Variants in BCL11B observed in about 807,000 individuals in gnomAD.
BCL11B encodes the protein BCL11 transcription factor B.
BCL11B carries 8 observed loss-of-function variants against 49.9 expected under a neutral mutation model. The ratio of observed to expected loss-of-function variants is 0.16; its 90% CI spans 0.09 to 0.29. The LOEUF is 0.29. Ranked by LOEUF, BCL11B falls within the 10% of genes least tolerant of loss-of-function variation. BCL11B has a pLI of 1.00. For missense variants in BCL11B, 1,006 were observed against 1,351.0 expected, an observed-to-expected ratio of 0.74 and a Z score of 4.00; for synonymous variants, 739 against 637.4, an observed-to-expected ratio of 1.16 and a Z score of -2.40.
chr14:99,179,473 T>TA (rs35703913), intron 3 of BCL11B, among the ~76,000 whole-genome samples: 9,757 of 54,560 alleles, frequency 0.18, 1,478 homozygotes, highest in Non-Finnish European at 0.23. Context: ...GAATCCATCT[T>TA]AAAAAAAAAA....
Position 99,196,706 on chromosome 14 carries a change from G to T in BCL11B, c.641-20511C>A, listed in dbSNP as rs1028701210. Among the ~76,000 whole-genome samples, 4 of 152,340 alleles carry T rather than the reference G, an allele frequency of 2.6e-5. No homozygotes were observed. In the East Asian group the frequency reaches 7.7e-4, roughly 29 times the overall value. ...ATAGATGTTTGTCCACCATCAGAGAGGATACCTGTGTCCACAAGAGAGGGG... is the reference window on the plus strand; with the variant it reads ...ATAGATGTTTGTCCACCATCAGAGATGATACCTGTGTCCACAAGAGAGGGG... On this transcript the variant is annotated intron_variant, in intron 3 of 3. Coordinates refer to ENST00000357195, the MANE Select transcript of BCL11B (RefSeq NM_138576.4).
intron 3 of BCL11B, among the ~76,000 whole-genome samples, chr14:99,224,547 G>A (rs932636253): frequency 6.6e-6 from 1 of 152,140 alleles, no homozygotes; most frequent in Non-Finnish European, 1.5e-5. Context: ...CTGGGGTGCC[G>A]ATTACCCAAG....
At chr14:99,216,682 T>G (rs887824641) in intron 3 of BCL11B, among the ~76,000 whole-genome samples, 2 of 152,172 alleles carry the variant, frequency 1.3e-5, no homozygotes, top group Admixed American at 6.5e-5. Flanking sequence ...ATCAGAAAGT[T>G]CAGGGAAGAA....
chr14:99,180,904 A>G (rs1300803500), intron 3 of BCL11B, among the ~76,000 whole-genome samples: 1 of 152,158 alleles, frequency 6.6e-6, no homozygotes, highest in Admixed American at 6.5e-5. Context: ...TTGGGAACCG[A>G]CGTGCAGCTG....
Position 99,231,164 on chromosome 14 carries a change from A to T in BCL11B, c.640+181T>A, listed in dbSNP as rs148658707. ...GGGCACCGTGGGGGACTCCTGACCGAGGGGCACCGGGCCCTGGCTCATAGT... is the reference window on the plus strand; with the variant it reads ...GGGCACCGTGGGGGACTCCTGACCGTGGGGCACCGGGCCCTGGCTCATAGT... On this transcript the variant is annotated intron_variant, in intron 3 of 3. Coordinates refer to ENST00000357195, the MANE Select transcript of BCL11B (RefSeq NM_138576.4). The surrounding 1 kb of genome is among the most constrained non-coding windows in gnomAD (Gnocchi z 8.1). Among the ~76,000 whole-genome samples the T allele has an allele frequency of 4.1e-3, 619 of 152,154 alleles. 5 individuals are homozygous for T. The highest frequency in any genetic ancestry group is 0.014 in the African/African-American group (588 of 41,504).
rs549351593 is a variant in BCL11B, at chr14:99,196,189, C to T, written c.641-19994G>A. ...AGGCAAACACCATCTCCCAATGCTGCCCCCCAGCCCACGTCTCCCCAGCCA... is the reference window on the plus strand; with the variant it reads ...AGGCAAACACCATCTCCCAATGCTGTCCCCCAGCCCACGTCTCCCCAGCCA... On this transcript the variant is annotated intron_variant, in intron 3 of 3. Transcript: ENST00000357195. Among the ~76,000 whole-genome samples the T allele has an allele frequency of 2.0e-4, 31 of 152,222 alleles. No homozygotes were observed. In the East Asian group the frequency reaches 5.8e-3, roughly 28 times the overall value.
At chr14:99,220,902 G>A (rs1012429004) in intron 3 of BCL11B, among the ~76,000 whole-genome samples, 10 of 152,234 alleles carry the variant, frequency 6.6e-5, no homozygotes, top group African/African-American at 1.9e-4. Flanking sequence ...CCAGGCTGGA[G>A]TGCAATGCTG....
intron 2 of BCL11B, among the ~76,000 whole-genome samples, chr14:99,235,574 C>G (rs986472964): frequency 6.6e-6 from 1 of 152,206 alleles, no homozygotes; most frequent in Non-Finnish European, 1.5e-5. Context: ...TACGTCAACT[C>G]TCTTGACAAA....
At chr14:99,269,127 G>A (rs994601677) in intron 1 of BCL11B, among the ~76,000 whole-genome samples, 2 of 152,050 alleles carry the variant, frequency 1.3e-5, no homozygotes, top group African/African-American at 4.8e-5. Flanking sequence ...CAGCTTGGCA[G>A]TGCACCCCCA....
In BCL11B at chr14:99,235,359, G is replaced by A. The variant is rs921437811; in HGVS notation, c.428-3802C>T. ...ATAGATCAAGGAAGGAGACAGCCAG[G>A]GAGGCAGCGCGTGTGAGTGAGGGAC... On this transcript the variant is annotated intron_variant, in intron 2 of 3. Coordinates refer to ENST00000357195, the MANE Select transcript of BCL11B (RefSeq NM_138576.4). Among the ~76,000 whole-genome samples, 3 of 152,108 alleles carry A rather than the reference G, an allele frequency of 2.0e-5. No individual in the cohort carries two copies. In the South Asian group the frequency reaches 6.2e-4, roughly 32 times the overall value.
At chr14:99,179,029 T>C (rs1886620137) in intron 3 of BCL11B, among the ~76,000 whole-genome samples, 1 of 152,126 alleles carries the variant, frequency 6.6e-6, no homozygotes, top group African/African-American at 2.4e-5. Context: ...CAGAGGAAAA[T>C]GCAGAGCGCT....
chr14:99,174,658 G>C lies in BCL11B; in HGVS notation c.2178C>G (p.Phe726Leu). ...AASRHFMKDPFLGFTDARQSP... is the reference protein window; with the variant it reads ...AASRHFMKDPLLGFTDARQSP... Reference sequence around the variant, plus strand: ...ACTGTCGTGCGTCCGTGAAGCCCAGGAAGGGGTCCTTCATGAAGTGCCGCG... The same window carrying C: ...ACTGTCGTGCGTCCGTGAAGCCCAGCAAGGGGTCCTTCATGAAGTGCCGCG... Residue 726 changes from phenylalanine to leucine, a missense_variant, in exon 4 of 4, where the codon TTC (phenylalanine) becomes TTG (leucine). By Grantham distance (22) the Phe-to-Leu change is conservative. This residue lies in a region of BCL11B where 443 missense variants were observed against 499.7 expected (regional missense o/e 0.89). Transcript: ENST00000357195. 1 of 1,580,610 alleles carries C rather than the reference G, an allele frequency of 6.3e-7. No individual in the cohort carries two copies. Among genetic ancestry groups the C allele is most frequent in the Non-Finnish European group, 8.6e-7 (1 of 1,166,530 alleles).
In BCL11B at chr14:99,264,950, G is replaced by A. The variant is rs571339235; in HGVS notation, c.58+6211C>T. ...ATGGAGCAAGAGGGGGACCGAGCCT[G>A]AGCACATCTCCCTGACATTTGGCTC... On this transcript the variant is annotated intron_variant, in intron 1 of 3. Transcript: ENST00000357195. 4.6e-5 allele frequency among the ~76,000 whole-genome samples: 7 copies of A among 152,284 alleles called. No homozygotes were observed. In the South Asian group the frequency reaches 1.5e-3, roughly 32 times the overall value.
intron 3 of BCL11B, among the ~76,000 whole-genome samples, chr14:99,200,594 C>A (rs114419519): frequency 0.013 from 1,991 of 152,340 alleles, 46 homozygotes; most frequent in African/African-American, 0.045. Context: ...GCCCATGAGG[C>A]AGCGAGGCGG....
Position 99,178,399 on chromosome 14 carries a change from C to G in BCL11B, c.641-2204G>C, listed in dbSNP as rs551678607. 3.9e-4 allele frequency among the ~76,000 whole-genome samples: 59 copies of G among 152,298 alleles called. 2 individuals are homozygous for G. The South Asian group carries it at 6.4e-3, about 17-fold the overall frequency. On this transcript the variant is annotated intron_variant, in intron 3 of 3. Transcript: ENST00000357195. Reference sequence around the variant, plus strand: ...TAACTCAGTTCTCCCATGAAAGAGCCCCTGAGGGGAAACCTCCCCACCTAA... The same window carrying G: ...TAACTCAGTTCTCCCATGAAAGAGCGCCTGAGGGGAAACCTCCCCACCTAA...
intron 3 of BCL11B, among the ~76,000 whole-genome samples, chr14:99,226,978 A>G (rs765233558): frequency 5.3e-5 from 8 of 152,208 alleles, no homozygotes; most frequent in Admixed American, 6.5e-5. Context: ...GACTCCCTCT[A>G]TTAAAGCCAA....
rs1231492534 is a variant in BCL11B at position 99,175,603 on chromosome 14, GGGCGGCAGC to G, written c.1224_1232del (p.Leu409_Pro411del). The G allele has an allele frequency of 6.4e-7, 1 of 1,568,302 alleles. No homozygotes were observed. The highest frequency in any genetic ancestry group is 1.4e-5 in the African/African-American group (1 of 72,456). On this transcript the variant is annotated inframe_deletion, in exon 4 of 4. Coordinates refer to ENST00000357195, the MANE Select transcript of BCL11B (RefSeq NM_138576.4). ...GGGGCGGCGTGCCGCCAGGGGGCAT[GGGCGGCAGC>G]GGCGGCGTGCTCAGGAACGGGGACT...
intron 3 of BCL11B, among the ~76,000 whole-genome samples, chr14:99,188,537 CCTGGGGCTGGGGCTGGGG>C (rs71110575): frequency 5.7e-4 from 78 of 136,174 alleles, no homozygotes; most frequent in Non-Finnish European, 9.0e-4. Context: ...CAATGGCTGG[CCTGGGGCTGGGGCTGGGG>C]CTGGGGCTGG....
At chr14:99,199,696 G>GCGCGCGCGCGCGCA (rs1555378702) in intron 3 of BCL11B, among the ~76,000 whole-genome samples, 1 of 77,892 alleles carries the variant, frequency 1.3e-5, no homozygotes, top group African/African-American at 3.9e-5. Flanking sequence ...GCGCGCGCGC[G>GCGCGCGCGCGCGCA]CACGTGCACG....
Sources: allele counts gnomAD v4.1 joint callset (sites outside exome capture counted in the v4.1 genomes callset), GRCh38; gene constraint gnomAD v4.1.1; regional missense constraint gnomAD v4.1.1; non-coding constraint Gnocchi (gnomAD v3.1); transcripts MANE v1.5; gene names NCBI Gene and HGNC (gene_info 2026-07-23, HGNC 2026-07-21).